Variants in KIF3C observed in about 807,000 individuals in gnomAD.
KIF3C encodes kinesin family member 3C.
KIF3C carries 12 observed loss-of-function variants against 67.7 expected under a neutral mutation model. That is an observed-to-expected ratio of 0.18 (90% CI 0.11 to 0.29). The LOEUF is 0.29. KIF3C is among the 10% of genes least tolerant of loss of function. The probability of loss-of-function intolerance (pLI) is 1.00; values close to 1 mark genes in which losing one functional copy is unlikely to be tolerated. For missense variants in KIF3C, 789 were observed against 1,059.6 expected (o/e 0.74, Z 3.55); for synonymous variants, 393 against 426.2 (o/e 0.92, Z 0.96).
intron 1 of KIF3C, among the ~76,000 whole-genome samples, chr2:25,962,948 TATA>T (rs1165669374): frequency 5.6e-5 from 2 of 35,768 alleles, no homozygotes; most frequent in Non-Finnish European, 7.6e-5. Flanking sequence ...ATATATAATA[TATA>T]ATATATAATA....
At chr2:25,930,135 A>G in intron 5 of KIF3C, 72 bp from the exon 6 acceptor site, 1 of 1,228,362 alleles carries the variant, frequency 8.1e-7, no homozygotes, top group East Asian at 2.3e-5. Context: ...TGAGGACCTA[A>G]ATATCATTCA....
chr2:25,942,917 G>C (rs1663332732), intron 5 of KIF3C, among the ~76,000 whole-genome samples: 1 of 152,186 alleles, frequency 6.6e-6, no homozygotes, highest in South Asian at 2.1e-4. Context: ...ACTGGTCAGA[G>C]GGTGGGATGG....
At chr2:25,936,501 T>G (rs904970385) in intron 5 of KIF3C, among the ~76,000 whole-genome samples, 1 of 152,240 alleles carries the variant, frequency 6.6e-6, no homozygotes, top group Admixed American at 6.5e-5. Flanking sequence ...AATGAATATG[T>G]ATAACTTTAT....
intron 1 of KIF3C, among the ~76,000 whole-genome samples, chr2:25,973,469 G>T (rs996854684): frequency 2.7e-5 from 4 of 150,140 alleles, no homozygotes; most frequent in Non-Finnish European, 5.9e-5. Flanking sequence ...CAGGAGAATT[G>T]CTTGAACCCG....
In KIF3C at chr2:25,980,420, G is replaced by T; in HGVS notation, c.1498C>A (p.Leu500Met). ...TCTGTGGCCTGCTGTTCCCGCCGCA[G>T]GTCCTCCAGCATCTTCTCCTTCTCC... ...LEEKEKMLED[L>M]RREQQATELL... Residue 500 changes from leucine (L) to methionine (M), a missense_variant, in exon 1 of 8, where the codon CTG becomes ATG. Physicochemically the swap from Leu to Met is conservative, Grantham distance 15. This residue lies in a region of KIF3C where 648 missense variants were observed against 807.8 expected (regional missense o/e 0.80). Coordinates refer to ENST00000264712, the MANE Select transcript of KIF3C (RefSeq NM_002254.8). The surrounding 1 kb of genome is among the most constrained non-coding windows in gnomAD (Gnocchi z 7.6). The T allele has an allele frequency of 1.9e-6, 3 of 1,614,044 alleles. No homozygotes were observed. Among genetic ancestry groups the T allele is most frequent in the Non-Finnish European group, 2.5e-6 (3 of 1,179,996 alleles).
chr2:25,930,727 C>T (rs1253473822), intron 5 of KIF3C, among the ~76,000 whole-genome samples: 2 of 152,014 alleles, frequency 1.3e-5, no homozygotes, highest in African/African-American at 4.8e-5. Flanking sequence ...TTAGTAGAGA[C>T]AGGGTTTCTC....
chr2:25,967,071 G>A (rs573645520), intron 1 of KIF3C, among the ~76,000 whole-genome samples: 2 of 152,302 alleles, frequency 1.3e-5, no homozygotes, highest in African/African-American at 2.4e-5. Flanking sequence ...AAAGCACCTT[G>A]GAGAGAAGCA....
intron 1 of KIF3C, among the ~76,000 whole-genome samples, chr2:25,965,324 A>T (rs6743125): frequency 0.12 from 18,051 of 152,102 alleles, 1,359 homozygotes; most frequent in African/African-American, 0.2. Flanking sequence ...TCTCACCCCA[A>T]GCTGTCTGCT....
intron 1 of KIF3C, among the ~76,000 whole-genome samples, chr2:25,965,120 C>A (rs752623741): frequency 6.6e-6 from 1 of 152,224 alleles, no homozygotes; most frequent in Non-Finnish European, 1.5e-5. Flanking sequence ...CCAGCACAGA[C>A]GTGGTCTGAA....
At chr2:25,967,376 G>A (rs974108694) in intron 1 of KIF3C, among the ~76,000 whole-genome samples, 1 of 152,190 alleles carries the variant, frequency 6.6e-6, no homozygotes, top group Admixed American at 6.5e-5. Context: ...CTGGGTGTGG[G>A]AGTCAGGGTG....
chr2:25,947,191 CAGA>C (rs946867008), intron 5 of KIF3C, among the ~76,000 whole-genome samples: 2 of 152,044 alleles, frequency 1.3e-5, no homozygotes, highest in African/African-American at 4.8e-5. Flanking sequence ...GCCTTTAAAG[CAGA>C]AGATCAGGGT....
At chr2:25,954,186 G>A in intron 4 of KIF3C, 81 bp downstream of exon 4, 1 of 990,224 alleles carries the variant, frequency 1.0e-6, no homozygotes, top group East Asian at 2.4e-5. Context: ...AGACAGTCAG[G>A]ATGAGGCCTT....
At chr2:25,957,836 C>T (rs1261486478) in intron 1 of KIF3C, among the ~76,000 whole-genome samples, 2 of 152,218 alleles carry the variant, frequency 1.3e-5, no homozygotes, top group Non-Finnish European at 1.5e-5. Flanking sequence ...CACACAGCCT[C>T]AGAGGCCAAG....
Position 25,935,979 on chromosome 2 carries a change from C to T in KIF3C, c.2007-5916G>A, listed in dbSNP as rs576928051. The stretch of plus-strand genomic sequence containing the variant: ...GCACACACCTGTAGTCCCAGCTACT[C>T]GGGAGGCTGAGACTGGAGAATCGCT... On this transcript the variant is annotated intron_variant, in intron 5 of 7. Coordinates refer to ENST00000264712, the MANE Select transcript of KIF3C (RefSeq NM_002254.8). Among the ~76,000 whole-genome samples the T allele has an allele frequency of 7.9e-5, 12 of 151,448 alleles. No homozygotes were observed. The East Asian group carries it at 1.8e-3, about 22-fold the overall frequency.
intron 1 of KIF3C, among the ~76,000 whole-genome samples, chr2:25,971,555 G>A (rs541230995): frequency 2.6e-5 from 4 of 152,248 alleles, no homozygotes; most frequent in South Asian, 2.1e-4. Context: ...AGTATGAGGT[G>A]GAGTTAATGC....
intron 1 of KIF3C, among the ~76,000 whole-genome samples, chr2:25,959,126 A>G (rs1408486864): frequency 6.6e-6 from 1 of 152,126 alleles, no homozygotes; most frequent in Non-Finnish European, 1.5e-5. Flanking sequence ...GGCATTTCAC[A>G]AGCACCTGGG....
intron 1 of KIF3C, among the ~76,000 whole-genome samples, chr2:25,966,214 T>C (rs1664137236): frequency 6.6e-6 from 1 of 152,012 alleles, no homozygotes; most frequent in East Asian, 1.9e-4. Context: ...CAAGCAATTC[T>C]CCTGCCTCAG....
rs906871578 is a variant in KIF3C at position 25,927,146 on chromosome 2, A to G, written c.*1832T>C. The G allele has an allele frequency of 2.6e-5, 4 of 152,678 alleles. No individual in the cohort carries two copies. Among genetic ancestry groups the G allele is most frequent in the African/African-American group, 9.6e-5 (4 of 41,454 alleles). 9.5% of individuals were successfully genotyped at this position (152,678 alleles called of 1,614,324 possible). On this transcript the variant is annotated 3_prime_UTR_variant, in exon 8 of 8. Coordinates refer to ENST00000264712, the MANE Select transcript of KIF3C (RefSeq NM_002254.8). The stretch of plus-strand genomic sequence containing the variant: ...GGGGCTGATTTGGGTATATTGTGCT[A>G]TAAGACTGTGAGGGAGGTGTGACAA...
chr2:25,929,051 G>A lies in KIF3C; in HGVS notation c.2309C>T (p.Pro770Leu). 6.2e-7 allele frequency: 1 copy of A among 1,613,808 alleles called. No individual in the cohort carries two copies. Among genetic ancestry groups the A allele is most frequent in the Non-Finnish European group, 8.5e-7 (1 of 1,179,918 alleles). The change falls in exon 8 of 8, where the codon CCT (proline) becomes CTT (leucine). Residue 770 changes from proline to leucine, a missense_variant. By Grantham distance (98) the Pro-to-Leu change is moderately conservative. Transcript: ENST00000264712. The stretch of plus-strand genomic sequence containing the variant: ...GGAGGCATGTGTGGTGGAAGGTGGA[G>A]GCCGCTGAGGACTCTGGCACCTGCA... ...SRSWCQSPQR[P>L]PPSTTHASLA...
Sources: allele counts gnomAD v4.1 joint callset (sites outside exome capture counted in the v4.1 genomes callset), GRCh38; gene constraint gnomAD v4.1.1; regional missense constraint gnomAD v4.1.1; non-coding constraint Gnocchi (gnomAD v3.1); transcripts MANE v1.5; gene names NCBI Gene and HGNC (gene_info 2026-07-23, HGNC 2026-07-21).